Variants in MARCHF1 observed in about 807,000 individuals in gnomAD.
MARCHF1 encodes the protein E3 ubiquitin-protein ligase MARCHF1.
MARCHF1 carries 40 observed loss-of-function variants against 54.2 expected under a neutral mutation model. That is an observed-to-expected ratio of 0.74 (90% confidence interval 0.57 to 0.96). The LOEUF is 0.96. MARCHF1 is among the 40% of genes least tolerant of loss of function. MARCHF1 has a pLI of 0.00. For synonymous variants in MARCHF1, 236 were observed against 236.3 expected, an observed-to-expected ratio of 1.00 and a Z score of 0.01; for missense variants, 586 against 656.5, an observed-to-expected ratio of 0.89 and a Z score of 1.17.
intron 1 of MARCHF1, among the ~76,000 whole-genome samples, chr4:164,367,038 C>A (rs748972211): frequency 1.3e-5 from 2 of 152,030 alleles, no homozygotes; most frequent in Admixed American, 1.3e-4. Flanking sequence ...AGTTACCAAA[C>A]GGAGAAAATC....
At chr4:163,883,245 G>GTA (rs35263296) in intron 3 of MARCHF1, among the ~76,000 whole-genome samples, 7 of 101,892 alleles carry the variant, frequency 6.9e-5, no homozygotes, top group African/African-American at 2.2e-4. Context: ...ATATGTGTGT[G>GTA]TATATATATA....
At chr4:164,127,460 TTAGA>T (rs1329078726) in intron 1 of MARCHF1, among the ~76,000 whole-genome samples, 1 of 152,142 alleles carries the variant, frequency 6.6e-6, no homozygotes, top group Non-Finnish European at 1.5e-5. Flanking sequence ...CATAAAAGAA[TTAGA>T]TATATGAGCA....
At chr4:164,141,109 G>A (rs533880090) in intron 1 of MARCHF1, among the ~76,000 whole-genome samples, 296 of 152,298 alleles carry the variant, frequency 1.9e-3, no homozygotes, top group Non-Finnish European at 3.9e-3. Flanking sequence ...TCTTTAAGTG[G>A]AAAGAGAAAA....
chr4:163,817,636 TTGAA>T lies in MARCHF1; in HGVS notation c.111+36381_111+36384del, dbSNP rs1748577448. 2.6e-5 allele frequency among the ~76,000 whole-genome samples: 4 copies of T among 152,208 alleles called. No homozygotes were observed. In the South Asian group the frequency reaches 8.3e-4, roughly 32 times the overall value. ...TATTTTCAATAGGACAGTACCCAAA[TTGAA>T]TGTATGTAGACTCAGTTAAATTAAA... is the stretch of plus-strand genomic sequence containing the variant. On this transcript the variant is annotated intron_variant, in intron 4 of 9. Coordinates refer to ENST00000514618, the MANE Select transcript of MARCHF1 (RefSeq NM_001394959.1).
At chr4:164,027,859 C>A (rs1439983238) in intron 2 of MARCHF1, among the ~76,000 whole-genome samples, 1 of 151,934 alleles carries the variant, frequency 6.6e-6, no homozygotes, top group East Asian at 1.9e-4. Context: ...GGTGAAATAT[C>A]CAGAATCCAT....
intron 1 of MARCHF1, among the ~76,000 whole-genome samples, chr4:164,375,630 GGTCT>G (rs1280695150): frequency 5.9e-5 from 9 of 152,034 alleles, no homozygotes; most frequent in Non-Finnish European, 1.0e-4. Flanking sequence ...GCAAATAGAT[GGTCT>G]GTATTTGTTA....
At chr4:163,973,687 A>T (rs966898492) in intron 3 of MARCHF1, among the ~76,000 whole-genome samples, 1 of 152,220 alleles carries the variant, frequency 6.6e-6, no homozygotes, top group African/African-American at 2.4e-5. Context: ...CTTAATACTA[A>T]AAAATGGAAG....
chr4:163,768,931 T>C (rs1328948284), intron 4 of MARCHF1, among the ~76,000 whole-genome samples: 1 of 152,146 alleles, frequency 6.6e-6, no homozygotes, highest in Non-Finnish European at 1.5e-5. Flanking sequence ...ATGTCAAATA[T>C]CTGGACTTCC....
At chr4:164,137,362 A>G (rs1423527607) in intron 1 of MARCHF1, among the ~76,000 whole-genome samples, 10 of 152,204 alleles carry the variant, frequency 6.6e-5, no homozygotes. Context: ...TAAAATAATT[A>G]TGATAATATA....
chr4:164,083,376 C>T (rs17578820), intron 2 of MARCHF1, among the ~76,000 whole-genome samples: 10,300 of 151,956 alleles, frequency 0.068, 494 homozygotes, highest in Non-Finnish European at 0.11. Flanking sequence ...ATATGGATGA[C>T]TTATCTTGTC....
intron 4 of MARCHF1, among the ~76,000 whole-genome samples, chr4:163,767,680 C>T (rs1747025968): frequency 6.6e-6 from 1 of 152,058 alleles, no homozygotes; most frequent in Admixed American, 6.6e-5. Context: ...TTGATGCTGG[C>T]TTTTTCCGCC....
At chr4:164,108,399 AATTC>A (rs555796351) in intron 2 of MARCHF1, among the ~76,000 whole-genome samples, 1 of 152,202 alleles carries the variant, frequency 6.6e-6, no homozygotes, top group Non-Finnish European at 1.5e-5. Context: ...ATGACTGCAG[AATTC>A]ATTCATTCAT....
chr4:164,322,468 T>C (rs1735166925), intron 1 of MARCHF1, among the ~76,000 whole-genome samples: 1 of 151,966 alleles, frequency 6.6e-6, no homozygotes, highest in South Asian at 2.1e-4. Context: ...TAATTGGTAC[T>C]CAAAAACTGG....
chr4:164,101,958 G>A (rs1437112026), intron 2 of MARCHF1, among the ~76,000 whole-genome samples: 35 of 145,314 alleles, frequency 2.4e-4, no homozygotes, highest in African/African-American at 7.0e-4. Context: ...CGAGAACTAC[G>A]TGAAGAATGC....
intron 4 of MARCHF1, among the ~76,000 whole-genome samples, chr4:163,734,221 T>C (rs901405553): frequency 5.9e-5 from 9 of 152,138 alleles, no homozygotes; most frequent in African/African-American, 2.2e-4. Flanking sequence ...TCACATACTG[T>C]TGGTGAGAAT....
intron 5 of MARCHF1, among the ~76,000 whole-genome samples, chr4:163,665,195 A>G (rs959177800): frequency 6.6e-6 from 1 of 152,108 alleles, no homozygotes; most frequent in Non-Finnish European, 1.5e-5. Context: ...TATATGGGAA[A>G]ATTCCCATGT....
In MARCHF1 at chr4:163,809,151, T is replaced by C. The variant is rs141268129; in HGVS notation, c.111+44870A>G. ...AATAACAATCAACAACACACGATTTTAAACTTTAAAATGCTTTGGTATTGT... is the reference window on the plus strand; with the variant it reads ...AATAACAATCAACAACACACGATTTCAAACTTTAAAATGCTTTGGTATTGT... On this transcript the variant is annotated intron_variant, in intron 4 of 9. Transcript: ENST00000514618. 3.1e-3 allele frequency among the ~76,000 whole-genome samples: 472 copies of C among 152,296 alleles called. 3 individuals carry two copies. Among genetic ancestry groups the C allele is most frequent in the African/African-American group, 0.011 (449 of 41,570 alleles).
chr4:164,108,987 G>A (rs1755770456), intron 2 of MARCHF1, among the ~76,000 whole-genome samples: 1 of 151,898 alleles, frequency 6.6e-6, no homozygotes, highest in Admixed American at 6.6e-5. Context: ...CAAAAGCAAG[G>A]GGTCTATTTT....
intron 4 of MARCHF1, among the ~76,000 whole-genome samples, chr4:163,739,940 A>C (rs896746982): frequency 1.3e-5 from 2 of 152,178 alleles, no homozygotes; most frequent in Non-Finnish European, 2.9e-5. Context: ...ATAAGTCAAA[A>C]TACTTGAATG....
Sources: gnomAD v4.1 joint callset for allele counts (sites outside exome capture counted in the v4.1 genomes callset) on GRCh38, gnomAD v4.1.1 for gene constraint, MANE v1.5 for transcripts, NCBI Gene and HGNC (gene_info 2026-07-23, HGNC 2026-07-21) for gene names.